Variants in THEMIS observed in about 807,000 individuals in gnomAD.
THEMIS encodes protein THEMIS.
A neutral mutation model predicts 52.6 loss-of-function variants in THEMIS; 37 were observed. The ratio of observed to expected loss-of-function variants is 0.70; its 90% CI spans 0.54 to 0.93. The LOEUF is 0.93. THEMIS is among the 40% of genes least tolerant of loss of function. THEMIS has a pLI of 0.00. For synonymous variants in THEMIS, 292 were observed against 272.7 expected (o/e 1.07, Z -0.70); for missense variants, 808 against 763.1 (o/e 1.06, Z -0.69).
At chr6:127,831,743 C>A (rs1778703110) in intron 2 of THEMIS, among the ~76,000 whole-genome samples, 1 of 152,088 alleles carries the variant, frequency 6.6e-6, no homozygotes, top group Non-Finnish European at 1.5e-5. Flanking sequence ...GCAAATGCAA[C>A]CTATCCTAAA....
chr6:127,763,168 T>C (rs1562241804), intron 4 of THEMIS, among the ~76,000 whole-genome samples: 1 of 152,074 alleles, frequency 6.6e-6, no homozygotes, highest in East Asian at 1.9e-4. Context: ...GAATAACTTG[T>C]ACAGGGAAAG....
intron 5 of THEMIS, 122 bp downstream of exon 5, chr6:127,719,566 G>T (rs1038842912): frequency 5.1e-6 from 4 of 791,764 alleles, no homozygotes; most frequent in Non-Finnish European, 7.8e-6. Flanking sequence ...GCAGAGCAGG[G>T]TGATCACTTG....
intron 4 of THEMIS, among the ~76,000 whole-genome samples, chr6:127,756,147 G>A (rs7749905): frequency 0.026 from 3,960 of 152,178 alleles, 187 homozygotes; most frequent in African/African-American, 0.091. Context: ...GTATTGGTAT[G>A]CAAGTAAGTA....
chr6:127,728,489 G>A (rs1006112220), intron 4 of THEMIS, among the ~76,000 whole-genome samples: 6 of 152,046 alleles, frequency 3.9e-5, no homozygotes, highest in Admixed American at 1.3e-4. Context: ...TTTGCACATC[G>A]TGACTTACCA....
In THEMIS at chr6:127,900,877, C is replaced by T; in HGVS notation, c.56G>A (p.Arg19Lys). ...GATGCCTGCCTGGATTTCTAGAACCCTGGGTAGGGTCCTGAGGTCAAGGGA... is the reference window on the plus strand; with the variant it reads ...GATGCCTGCCTGGATTTCTAGAACCTTGGGTAGGGTCCTGAGGTCAAGGGA... ...VHSLDLRTLP[R>K]VLEIQAGIYL... Residue 19 changes from arginine to lysine, a missense_variant, in exon 1 of 6, where the codon AGG becomes AAG. By Grantham distance (26) the Arg-to-Lys change is conservative. Transcript: ENST00000368248. The T allele has an allele frequency of 6.2e-7, 1 of 1,613,136 alleles. No homozygotes were observed. Among genetic ancestry groups the T allele is most frequent in the South Asian group, 1.1e-5 (1 of 91,058 alleles).
chr6:127,827,549 T>G (rs1423840458), intron 3 of THEMIS, among the ~76,000 whole-genome samples: 1 of 152,254 alleles, frequency 6.6e-6, no homozygotes, highest in African/African-American at 2.4e-5. Context: ...TAACATAAAT[T>G]CACAGTTAAG....
At position 127,913,901 on chromosome 6, in the gene THEMIS, C is replaced by T. The variant is rs1262731736; in HGVS notation, c.-150+4527G>A. On this transcript the variant is annotated intron_variant, in intron 1 of 6. Transcript: ENST00000368250. ...AAAATATTGCTCCTAAACTCCTTAG[C>T]AAACAGCACATAAAATGGTGGAGGC... Among the ~76,000 whole-genome samples, 6 of 152,230 alleles carry T rather than the reference C, an allele frequency of 3.9e-5. No homozygotes were observed. The South Asian group carries it at 6.2e-4, about 16-fold the overall frequency.
intron 3 of THEMIS, among the ~76,000 whole-genome samples, chr6:127,828,105 C>T (rs1778570735): frequency 6.6e-6 from 1 of 152,158 alleles, no homozygotes; most frequent in African/African-American, 2.4e-5. Context: ...CATTTAAATG[C>T]CATTTCCTCG....
intron 4 of THEMIS, among the ~76,000 whole-genome samples, chr6:127,799,553 A>ATCTTTCTT (rs748513282): frequency 0.032 from 4,612 of 144,464 alleles, 103 homozygotes; most frequent in South Asian, 0.057. Context: ...CTTTCTTTCT[A>ATCTTTCTT]TCTTTCTTTC....
intron 1 of THEMIS, among the ~76,000 whole-genome samples, chr6:127,879,268 C>T (rs1007721415): frequency 6.6e-6 from 1 of 152,054 alleles, no homozygotes; most frequent in South Asian, 2.1e-4. Flanking sequence ...CTTAAAATGC[C>T]TTTGTAACTC....
intron 3 of THEMIS, among the ~76,000 whole-genome samples, chr6:127,825,364 C>T (rs1016955253): frequency 4.6e-5 from 7 of 152,144 alleles, no homozygotes; most frequent in Non-Finnish European, 7.3e-5. Context: ...CAGAATACCA[C>T]GTATAATCTC....
At chr6:127,801,113 A>G (rs1279592323) in intron 4 of THEMIS, among the ~76,000 whole-genome samples, 1 of 152,214 alleles carries the variant, frequency 6.6e-6, no homozygotes, top group Non-Finnish European at 1.5e-5. Context: ...TATGCAAAAT[A>G]AATGCATTTG....
chr6:127,906,019 A>G (rs1475327542), upstream of THEMIS, among the ~76,000 whole-genome samples: 4 of 146,010 alleles, frequency 2.7e-5, no homozygotes, highest in Non-Finnish European at 5.9e-5. Context: ...TTTAAATTAA[A>G]TAATTTAAAT....
intron 4 of THEMIS, among the ~76,000 whole-genome samples, chr6:127,772,521 G>T (rs996707822): frequency 6.6e-6 from 1 of 151,970 alleles, no homozygotes; most frequent in Non-Finnish European, 1.5e-5. Context: ...TAGCATCTGA[G>T]CTAAAAAAGC....
chr6:127,827,625 T>TC (rs1344976663), intron 3 of THEMIS, among the ~76,000 whole-genome samples: 1 of 152,196 alleles, frequency 6.6e-6, no homozygotes, highest in Non-Finnish European at 1.5e-5. Context: ...AGACTGCACT[T>TC]CCATCCAGTA....
chr6:127,716,634 C>T (rs934533635), intron 5 of THEMIS, among the ~76,000 whole-genome samples: 2 of 151,946 alleles, frequency 1.3e-5, no homozygotes, highest in African/African-American at 4.8e-5. Flanking sequence ...GGGACTCTGC[C>T]TCAAGCGCTG....
At chr6:127,729,809 C>T (rs1774696831) in intron 4 of THEMIS, among the ~76,000 whole-genome samples, 2 of 152,066 alleles carry the variant, frequency 1.3e-5, no homozygotes, top group African/African-American at 4.8e-5. Flanking sequence ...ATGGCTGTCA[C>T]CACTGAAAAT....
At chr6:127,768,504 T>A (rs1776271678) in intron 4 of THEMIS, among the ~76,000 whole-genome samples, 1 of 152,188 alleles carries the variant, frequency 6.6e-6, no homozygotes, top group Non-Finnish European at 1.5e-5. Flanking sequence ...AGAATAGAGA[T>A]GCTAATCAAT....
chr6:127,892,048 C>G (rs930883178), intron 1 of THEMIS, among the ~76,000 whole-genome samples: 1 of 152,132 alleles, frequency 6.6e-6, no homozygotes, highest in South Asian at 2.1e-4. Context: ...TTCAGAGTGG[C>G]CTTCCCTGAC....
Sources: gnomAD v4.1 joint callset for allele counts (sites outside exome capture counted in the v4.1 genomes callset) on GRCh38, gnomAD v4.1.1 for gene constraint, MANE v1.5 for transcripts, NCBI Gene and HGNC (gene_info 2026-07-23, HGNC 2026-07-21) for gene names.